The following SRGAP1 variants were observed in gnomAD, a reference collection of about 807,000 sequenced individuals.
SRGAP1 encodes the protein SLIT-ROBO Rho GTPase-activating protein 1.
A neutral mutation model predicts 121.9 loss-of-function variants in SRGAP1; 43 were observed. The observed-to-expected ratio is 0.35, with a 90% CI of 0.28 to 0.46. The LOEUF (loss-of-function observed/expected upper bound fraction) is 0.46. Ranked by LOEUF, SRGAP1 falls within the 20% of genes least tolerant of loss-of-function variation. The pLI is 1.00. For missense variants in SRGAP1, 1,102 were observed against 1,350.9 expected (o/e 0.82, Z 2.89); for synonymous variants, 447 against 485.4 (o/e 0.92, Z 1.04).
chr12:63,908,275 G>A (rs554581993), intron 1 of SRGAP1, among the ~76,000 whole-genome samples: 28 of 152,154 alleles, frequency 1.8e-4, no homozygotes, highest in African/African-American at 5.1e-4. Context: ...TAGGGATTGC[G>A]TTGAATCTAT....
Position 64,054,866 on chromosome 12 carries a change from T to A in SRGAP1, c.802-8051T>A, listed in dbSNP as rs529862976. ...CTTGTCATCTAGCATTAGGTATATC[T>A]CCCAATGCTATCCCTCCCCCCTCCC... On this transcript the variant is annotated intron_variant, in intron 6 of 21. Coordinates refer to ENST00000355086, the MANE Select transcript of SRGAP1 (RefSeq NM_020762.4). Among the ~76,000 whole-genome samples, 4 of 149,598 alleles carry A rather than the reference T, an allele frequency of 2.7e-5. No individual in the cohort carries two copies. The South Asian group carries it at 8.8e-4, about 33-fold the overall frequency.
Position 64,105,217 on chromosome 12 carries a change from A to G in SRGAP1, c.1814-3715A>G, listed in dbSNP as rs559733271. On this transcript the variant is annotated intron_variant, in intron 15 of 21. Coordinates refer to ENST00000355086, the MANE Select transcript of SRGAP1 (RefSeq NM_020762.4). ...AGCATAGTGTCCTCAAGCCTCATGCATGTTGCAGCATGTGTCAGAAATGTT... is the reference window on the plus strand; with the variant it reads ...AGCATAGTGTCCTCAAGCCTCATGCGTGTTGCAGCATGTGTCAGAAATGTT... Among the ~76,000 whole-genome samples the G allele has an allele frequency of 3.9e-5, 6 of 152,296 alleles. No individual in the cohort carries two copies. The South Asian group carries it at 6.2e-4, about 16-fold the overall frequency.
intron 3 of SRGAP1, among the ~76,000 whole-genome samples, chr12:64,000,131 A>G (rs967642622): frequency 2.6e-5 from 4 of 152,092 alleles, no homozygotes; most frequent in Non-Finnish European, 5.9e-5. Context: ...ATGTTGAGTG[A>G]GCAAGTTAGG....
intron 1 of SRGAP1, among the ~76,000 whole-genome samples, chr12:63,963,402 G>A (rs1045551689): frequency 1.3e-5 from 2 of 152,136 alleles, no homozygotes; most frequent in Non-Finnish European, 2.9e-5. Flanking sequence ...TGTTAAAATA[G>A]TAGTATTCAT....
In SRGAP1 at chr12:64,108,972, ACTC is replaced by A. The variant is rs771984307; in HGVS notation, c.1860_1862del (p.Leu621del). On this transcript the variant is annotated inframe_deletion, in exon 16 of 22. Transcript: ENST00000355086. ...ATGAGAGGGCGCTTCACATCCGCAAACTCCTCCTGACTTTGCCCAGGTCGGTCC... is the reference window on the plus strand; with the variant it reads ...ATGAGAGGGCGCTTCACATCCGCAAACTCCTGACTTTGCCCAGGTCGGTCC... The A allele has an allele frequency of 5.1e-5, 82 of 1,603,768 alleles. No individual in the cohort carries two copies. In the Middle Eastern group the frequency reaches 6.7e-4, roughly 13 times the overall value.
At chr12:64,003,227 CAGG>C (rs2033963191) in intron 3 of SRGAP1, among the ~76,000 whole-genome samples, 1 of 152,012 alleles carries the variant, frequency 6.6e-6, no homozygotes, top group Non-Finnish European at 1.5e-5. Context: ...GCTGGGACTA[CAGG>C]TGTACACCAC....
chr12:63,955,584 CATAAG>C (rs2032439356), intron 1 of SRGAP1, among the ~76,000 whole-genome samples: 1 of 151,936 alleles, frequency 6.6e-6, no homozygotes, highest in Non-Finnish European at 1.5e-5. Context: ...TCCACTGTGG[CATAAG>C]ATAAGGCCAA....
chr12:63,939,732 T>C lies in SRGAP1; in HGVS notation c.68-44215T>C, dbSNP rs1420081500. Among the ~76,000 whole-genome samples the C allele has an allele frequency of 2.0e-5, 3 of 152,182 alleles. No individual in the cohort carries two copies. The East Asian group carries it at 5.8e-4, about 29-fold the overall frequency. On this transcript the variant is annotated intron_variant, in intron 1 of 21. Transcript: ENST00000355086. ...AATTATTCCTAGTGTTAAGCTAGCA[T>C]CTTCTCCCAAGGGTGCTCATACTTA...
At chr12:64,079,869 C>T (rs1034989163) in intron 9 of SRGAP1, among the ~76,000 whole-genome samples, 6 of 152,196 alleles carry the variant, frequency 3.9e-5, no homozygotes, top group Middle Eastern at 3.4e-3. Context: ...CTTCAAGTAA[C>T]AAGTTTCTGG....
chr12:64,102,217 G>T (rs1441527097), intron 15 of SRGAP1, among the ~76,000 whole-genome samples: 1 of 152,160 alleles, frequency 6.6e-6, no homozygotes. Context: ...ATTACTTTTA[G>T]TGGCAAAAAA....
chr12:63,920,765 A>C (rs553443302), intron 1 of SRGAP1, among the ~76,000 whole-genome samples: 4 of 152,210 alleles, frequency 2.6e-5, no homozygotes, highest in Admixed American at 6.6e-5. Flanking sequence ...AATGGTTTGG[A>C]TGGAGGTGTG....
intron 15 of SRGAP1, among the ~76,000 whole-genome samples, chr12:64,099,413 G>A (rs1252343361): frequency 6.6e-6 from 1 of 152,166 alleles, no homozygotes; most frequent in Non-Finnish European, 1.5e-5. Context: ...TTAATTCCTG[G>A]AGCATGTTAA....
intron 1 of SRGAP1, among the ~76,000 whole-genome samples, chr12:63,948,598 T>C (rs531540297): frequency 6.6e-6 from 1 of 152,128 alleles, no homozygotes; most frequent in Non-Finnish European, 1.5e-5. Context: ...ATTTCATATT[T>C]CCCACAAGAT....
At chr12:63,936,728 T>C (rs1484297655) in intron 1 of SRGAP1, among the ~76,000 whole-genome samples, 2 of 152,326 alleles carry the variant, frequency 1.3e-5, no homozygotes, top group East Asian at 3.9e-4. Flanking sequence ...GTAAAGCCAG[T>C]TTGAATTGGG....
chr12:63,853,694 A>G (rs758730551), intron 1 of SRGAP1, among the ~76,000 whole-genome samples: 4 of 152,238 alleles, frequency 2.6e-5, no homozygotes, highest in Non-Finnish European at 5.9e-5. Flanking sequence ...GCTGCAATGC[A>G]CGGGAGGAGG....
chr12:63,940,115 C>T (rs1342733868), intron 1 of SRGAP1, among the ~76,000 whole-genome samples: 1 of 151,992 alleles, frequency 6.6e-6, no homozygotes, highest in Admixed American at 6.6e-5. Context: ...GCACCTCCCA[C>T]CATGCCTGGC....
intron 1 of SRGAP1, among the ~76,000 whole-genome samples, chr12:63,974,078 G>T (rs565998881): frequency 4.1e-4 from 63 of 152,288 alleles, no homozygotes; most frequent in Middle Eastern, 3.4e-3. Flanking sequence ...TTATGGGGAA[G>T]TTAATGAAAC....
At chr12:64,112,043 T>C (rs552028095) in intron 17 of SRGAP1, 57 bp downstream of exon 17, 2 of 1,366,198 alleles carry the variant, frequency 1.5e-6, no homozygotes, top group African/African-American at 2.9e-5. Context: ...AATATAGCTA[T>C]CAATTTGATT....
In SRGAP1 at chr12:63,989,998, A is replaced by T; in HGVS notation, c.352A>T (p.Ser118Cys). 6.2e-7 allele frequency: 1 copy of T among 1,613,956 alleles called. No homozygotes were observed. Among genetic ancestry groups the T allele is most frequent in the Non-Finnish European group, 8.5e-7 (1 of 1,179,856 alleles). Reference sequence around the variant, plus strand: ...AGAAAGCAAAGACCATGCAACCTTGAGTGACATCTATCTGAACAATGTGAT... The same window carrying T: ...AGAAAGCAAAGACCATGCAACCTTGTGTGACATCTATCTGAACAATGTGAT... ...RRESKDHATLSDIYLNNVIMR... is the reference protein window; with the variant it reads ...RRESKDHATLCDIYLNNVIMR... Residue 118 changes from serine (S) to cysteine (C), a missense_variant, in exon 3 of 22, where the codon AGT becomes TGT. Around this residue, in one of 3 missense-constraint regions of SRGAP1, gnomAD observed 747 missense variants for 929.4 expected, o/e 0.80. Coordinates refer to ENST00000355086, the MANE Select transcript of SRGAP1 (RefSeq NM_020762.4).
Sources: gnomAD v4.1 joint callset for allele counts (sites outside exome capture counted in the v4.1 genomes callset) on GRCh38, gnomAD v4.1.1 for gene constraint, gnomAD v4.1.1 regional missense constraint, MANE v1.5 for transcripts, NCBI Gene and HGNC (gene_info 2026-07-23, HGNC 2026-07-21) for gene names.